The following SMG7 variants were observed in gnomAD, a reference collection of about 807,000 sequenced individuals.
The protein encoded by SMG7 is nonsense-mediated mRNA decay factor SMG7.
In SMG7, 34 loss-of-function variants were observed where a neutral mutation model predicts 148.2. The ratio of observed to expected loss-of-function variants is 0.23; its 90% CI spans 0.17 to 0.31. The LOEUF (loss-of-function observed/expected upper bound fraction) is 0.31. Ranked by LOEUF, SMG7 falls within the 10% of genes least tolerant of loss-of-function variation. The pLI, the probability that SMG7 is intolerant of heterozygous loss-of-function variation, is 1.00. For synonymous variants in SMG7, 492 were observed against 515.1 expected (o/e 0.96, Z 0.61); for missense variants, 1,114 against 1,408.4 (o/e 0.79, Z 3.35).
At chr1:183,481,249 A>T (rs1220826751) in intron 1 of SMG7, among the ~76,000 whole-genome samples, 1 of 152,164 alleles carries the variant, frequency 6.6e-6, no homozygotes, top group Non-Finnish European at 1.5e-5. Context: ...TGGCATATGC[A>T]TTCCTGCTTA....
intron 13 of SMG7, 68 bp downstream of exon 13, chr1:183,541,171 C>T (rs939833891): frequency 5.8e-5 from 78 of 1,351,954 alleles, no homozygotes; most frequent in Admixed American, 7.6e-5. Context: ...CGCGCACACG[C>T]GCGCGCACAC....
rs752495280 is a variant in SMG7, at chr1:183,533,144, A to G, written c.844-20A>G. The G allele has an allele frequency of 6.2e-7, 1 of 1,609,248 alleles. No individual in the cohort carries two copies. The highest frequency in any genetic ancestry group is 1.1e-5 in the South Asian group (1 of 90,672). ...TCCTGTTCTTGATAATATATGCAGTACGTCTGTCTTCTTTTACAGAGGCTG... is the reference window on the plus strand; with the variant it reads ...TCCTGTTCTTGATAATATATGCAGTGCGTCTGTCTTCTTTTACAGAGGCTG... On this transcript the variant is annotated intron_variant, in intron 8 of 22. Transcript: ENST00000688051.
rs1671204214 is a variant in SMG7 at position 183,552,345 on chromosome 1, ATTGCT to A, written c.*420_*424del. The A allele has an allele frequency of 1.0e-6, 1 of 994,246 alleles. No homozygotes were observed. The highest frequency in any genetic ancestry group is 5.9e-5 in the Admixed American group (1 of 16,820). The allele number at this position is 994,246 out of a possible 1,614,324, so 61.6% of individuals were successfully genotyped here. On this transcript the variant is annotated 3_prime_UTR_variant, in exon 23 of 23. Coordinates refer to ENST00000688051, the MANE Select transcript of SMG7 (RefSeq NM_001375584.1). Reference sequence around the variant, plus strand: ...GGAATAAAATAGGAATCCATTAATGATTGCTTTGCTGACTGAGAATGTAGTTGAAA... The same window carrying A: ...GGAATAAAATAGGAATCCATTAATGATTGCTGACTGAGAATGTAGTTGAAA...
chr1:183,486,957 G>A (rs1280008709), intron 1 of SMG7, among the ~76,000 whole-genome samples: 1 of 152,202 alleles, frequency 6.6e-6, no homozygotes, highest in African/African-American at 2.4e-5. Context: ...CACTGTAGAT[G>A]TAAGAATTGA....
At chr1:183,537,062 T>C in intron 10 of SMG7, 83 bp from the exon 11 acceptor site, 1 of 943,770 alleles carries the variant, frequency 1.1e-6, no homozygotes, top group Admixed American at 1.7e-5. Context: ...GTCCAGGACC[T>C]ATAGATACCA....
At chr1:183,544,582 G>C (rs553068729) in intron 15 of SMG7, 85 bp downstream of exon 15, 2 of 1,433,310 alleles carry the variant, frequency 1.4e-6, no homozygotes, top group African/African-American at 1.4e-5. Context: ...TTTTCTGTTG[G>C]AGTAATGTTA....
At chr1:183,550,528 TTTTATTTTGC>T (rs1558072745) in intron 20 of SMG7, among the ~76,000 whole-genome samples, 1 of 152,194 alleles carries the variant, frequency 6.6e-6, no homozygotes, top group African/African-American at 2.4e-5. Flanking sequence ...TTGCCTACTA[TTTTATTTTGC>T]TTTTTTAAGG....
intron 1 of SMG7, among the ~76,000 whole-genome samples, chr1:183,512,288 G>T (rs1244502606): frequency 6.6e-6 from 1 of 152,138 alleles, no homozygotes; most frequent in Non-Finnish European, 1.5e-5. Flanking sequence ...AATAAGAGGT[G>T]CAATACCTCT....
chr1:183,529,109 A>G (rs775845193), intron 7 of SMG7, 67 bp downstream of exon 7: 34 of 1,463,856 alleles, frequency 2.3e-5, no homozygotes, highest in Non-Finnish European at 2.8e-5. Flanking sequence ...TTAATTCCTC[A>G]TAATTTGGTT....
intron 12 of SMG7, 117 bp downstream of exon 12, chr1:183,538,557 G>GT: frequency 1.4e-6 from 1 of 740,138 alleles, no homozygotes; most frequent in Non-Finnish European, 2.4e-6. Context: ...TGTTATTTTT[G>GT]TAACGTCAAC....
chr1:183,538,471 G>T (rs1437581640), intron 12 of SMG7, 31 bp downstream of exon 12: 3 of 1,390,530 alleles, frequency 2.2e-6, no homozygotes, highest in Non-Finnish European at 3.1e-6. Flanking sequence ...CTTTATCATT[G>T]CCAGTGATTG....
intron 8 of SMG7, among the ~76,000 whole-genome samples, chr1:183,531,310 A>C (rs1042022637): frequency 6.6e-6 from 1 of 152,164 alleles, no homozygotes; most frequent in Non-Finnish European, 1.5e-5. Flanking sequence ...ATTGAGATGT[A>C]ATACATTTTC....
rs758306614 is a variant in SMG7 at position 183,540,988 on chromosome 1, T to G, written c.1300T>G (p.Leu434Val). The G allele has an allele frequency of 6.2e-7, 1 of 1,611,942 alleles. No homozygotes were observed. Among genetic ancestry groups the G allele is most frequent in the Non-Finnish European group, 8.5e-7 (1 of 1,178,920 alleles). The change falls in exon 13 of 23, where the codon TTG becomes GTG. Residue 434 changes from leucine to valine, a missense_variant. By Grantham distance (32) the Leu-to-Val change is conservative. This residue lies in a region of SMG7 where 102 missense variants were observed against 147.2 expected (regional missense o/e 0.69). Transcript: ENST00000688051. ...ACTTGCTTGTGTCAATTTTAGGAACTTGGATTTTTCCAAAGGTCACCAGGG... is the reference window on the plus strand; with the variant it reads ...ACTTGCTTGTGTCAATTTTAGGAACGTGGATTTTTCCAAAGGTCACCAGGG... ...FLALRPSFRN[L>V]DFSKGHQGIT...
At chr1:183,526,894 T>G in intron 5 of SMG7, 127 bp downstream of exon 5, 1 of 721,230 alleles carries the variant, frequency 1.4e-6, no homozygotes, top group Non-Finnish European at 2.1e-6. Flanking sequence ...GAAGAAACTA[T>G]AAAATGTATT....
intron 1 of SMG7, among the ~76,000 whole-genome samples, chr1:183,475,514 ACT>A (rs1651938994): frequency 1.3e-5 from 2 of 152,150 alleles, no homozygotes; most frequent in South Asian, 2.1e-4. Flanking sequence ...TAGGAAAATG[ACT>A]CTGTGTAATG....
intron 3 of SMG7, 56 bp from the exon 4 acceptor site, chr1:183,517,632 C>T (rs968486654): frequency 6.4e-7 from 1 of 1,558,230 alleles, no homozygotes; most frequent in Non-Finnish European, 8.9e-7. Context: ...TCAGGGGGAC[C>T]AGTGTCTGCC....
At chr1:183,515,776 C>G (rs1663368092) in intron 2 of SMG7, 98 bp from the exon 3 acceptor site, 2 of 624,204 alleles carry the variant, frequency 3.2e-6, no homozygotes, top group South Asian at 4.5e-5. Context: ...CAGGTTTTGC[C>G]TTGGGGATAG....
intron 1 of SMG7, among the ~76,000 whole-genome samples, chr1:183,505,123 AAAAG>A (rs1660612675): frequency 1.3e-5 from 2 of 151,960 alleles, no homozygotes; most frequent in Admixed American, 6.5e-5. Flanking sequence ...AGAAAAAAAA[AAAAG>A]AAGAAACTTC....
intron 1 of SMG7, among the ~76,000 whole-genome samples, chr1:183,499,757 A>G (rs1366393837): frequency 1.3e-5 from 2 of 152,048 alleles, no homozygotes; most frequent in African/African-American, 4.8e-5. Flanking sequence ...GTTTTTTCAT[A>G]TTACCATTTC....
Sources: allele counts gnomAD v4.1 joint callset (sites outside exome capture counted in the v4.1 genomes callset), GRCh38; gene constraint gnomAD v4.1.1; regional missense constraint gnomAD v4.1.1; transcripts MANE v1.5; gene names NCBI Gene and HGNC (gene_info 2026-07-23, HGNC 2026-07-21).